Variants in BCL9 observed in about 807,000 individuals in gnomAD.
The protein encoded by BCL9 is B-cell CLL/lymphoma 9 protein.
Under a neutral mutation model 88.5 loss-of-function variants are expected in BCL9, and 25 were observed. The observed-to-expected ratio is 0.28, with a 90% CI of 0.21 to 0.39. The LOEUF (loss-of-function observed/expected upper bound fraction) is 0.39, where lower values mean the gene tolerates loss of function less well. Ranked by LOEUF, BCL9 falls within the 10% of genes least tolerant of loss-of-function variation. BCL9 has a pLI of 1.00. For missense variants in BCL9, 1,817 were observed against 1,877.8 expected, an observed-to-expected ratio of 0.97 and a Z score of 0.60; for synonymous variants, 711 against 673.3, an observed-to-expected ratio of 1.06 and a Z score of -0.87.
chr1:147,624,577 C>T lies in BCL9; in HGVS notation c.3899C>T (p.Pro1300Leu), dbSNP rs141699147. The change falls in exon 10 of 10, where the codon CCG (proline) becomes CTG (leucine). Residue 1300 changes from proline (P) to leucine (L), a missense_variant. Pro to Leu is a moderately conservative substitution (Grantham distance 98, BLOSUM62 -3). This residue lies in a region of BCL9 where 589 missense variants were observed against 686.2 expected (regional missense o/e 0.86). Coordinates refer to ENST00000234739, the MANE Select transcript of BCL9 (RefSeq NM_004326.4). This position sits in a 1 kb window ranked among gnomAD's most constrained non-coding sequence, Gnocchi z 4.4. ...GGAGGTCCAGGGCCAGTGGGAACTC[C>T]GGACATCCCTCTTGGTACAGCTCCA... The part of the protein sequence containing the change: ...GMGGPGPVGT[P>L]DIPLGTAPSM... 1.2e-4 allele frequency: 189 copies of T among 1,614,174 alleles called. No individual in the cohort carries two copies. In the African/African-American group the frequency reaches 1.9e-3, roughly 16 times the overall value.
chr1:147,569,541 A>G (rs1655781345), intron 1 of BCL9, among the ~76,000 whole-genome samples: 1 of 151,664 alleles, frequency 6.6e-6, no homozygotes, highest in Non-Finnish European at 1.5e-5. Context: ...TCCTAACTAC[A>G]CAGGAGGCTG....
At chr1:147,603,179 G>A (rs1208640770) in intron 1 of BCL9, among the ~76,000 whole-genome samples, 2 of 152,210 alleles carry the variant, frequency 1.3e-5, no homozygotes, top group Non-Finnish European at 2.9e-5. Context: ...GAACAAAAAG[G>A]AGTATCTTGT....
At chr1:147,549,109 T>C (rs1654766719) in intron 1 of BCL9, among the ~76,000 whole-genome samples, 1 of 151,520 alleles carries the variant, frequency 6.6e-6, no homozygotes, top group African/African-American at 2.4e-5. Context: ...TCCAAGTAGC[T>C]GGGATTACAG....
At chr1:147,616,112 AG>A (rs1658272196) in intron 7 of BCL9, among the ~76,000 whole-genome samples, 1 of 152,176 alleles carries the variant, frequency 6.6e-6, no homozygotes. Flanking sequence ...ATGAATTACT[AG>A]GGGGAAGAAG....
chr1:147,548,125 C>T (rs1242967078), intron 1 of BCL9, among the ~76,000 whole-genome samples: 2 of 152,028 alleles, frequency 1.3e-5, no homozygotes, highest in Non-Finnish European at 2.9e-5. Context: ...AGCTTTTTAT[C>T]TGGGATAATA....
At chr1:147,557,405 G>T (rs1655162345) in intron 1 of BCL9, among the ~76,000 whole-genome samples, 1 of 152,146 alleles carries the variant, frequency 6.6e-6, no homozygotes, top group Admixed American at 6.5e-5. Context: ...TTTATTATAT[G>T]CTTCTTGTGA....
Position 147,622,249 on chromosome 1 carries a change from GTTTTA to G in BCL9, c.2903-17_2903-13del. On this transcript the variant is annotated splice_polypyrimidine_tract_variant and intron_variant, in intron 8 of 9. Coordinates refer to ENST00000234739, the MANE Select transcript of BCL9 (RefSeq NM_004326.4). ...AGGAATCTAATTCCCTGCCCGTTTT[GTTTTA>G]TTTTGCTTCCTTTTAGGTGGCCCCC... 6.2e-7 allele frequency: 1 copy of G among 1,613,378 alleles called. No individual in the cohort carries two copies. The highest frequency in any genetic ancestry group is 8.5e-7 in the Non-Finnish European group (1 of 1,179,592).
intron 1 of BCL9, among the ~76,000 whole-genome samples, chr1:147,550,836 A>G (rs1654866775): frequency 6.6e-6 from 1 of 152,170 alleles, no homozygotes; most frequent in Admixed American, 6.5e-5. Flanking sequence ...TAAAATAGGG[A>G]TAATAATTGT....
chr1:147,619,196 T>C lies in BCL9; in HGVS notation c.1041T>C (p.Asn347=), dbSNP rs1197759668. The change falls in exon 8 of 10, where the codon AAT becomes AAC. Residue 347 remains asparagine, a synonymous_variant. Coordinates refer to ENST00000234739, the MANE Select transcript of BCL9 (RefSeq NM_004326.4). The surrounding 1 kb of genome is among the most constrained non-coding windows in gnomAD (Gnocchi z 4.1). The part of the protein sequence containing the change: ...SSGEPPTLGE[N]PDGLSQEQLE... Reference sequence around the variant, plus strand: ...GCGAGCCCCCCACACTGGGAGAGAATCCCGATGGCCTATCTCAGGAGCAGC... The same window carrying C: ...GCGAGCCCCCCACACTGGGAGAGAACCCCGATGGCCTATCTCAGGAGCAGC... 1.2e-6 allele frequency: 2 copies of C among 1,613,860 alleles called. No individual in the cohort carries two copies. Among genetic ancestry groups the C allele is most frequent in the Non-Finnish European group, 1.7e-6 (2 of 1,179,862 alleles).
chr1:147,561,891 A>G (rs1655392327), intron 1 of BCL9, among the ~76,000 whole-genome samples: 1 of 152,174 alleles, frequency 6.6e-6, no homozygotes, highest in African/African-American at 2.4e-5. Context: ...AGCTCAACAG[A>G]TGTTATTGGA....
intron 3 of BCL9, among the ~76,000 whole-genome samples, chr1:147,608,330 C>CTTTTTT (rs35324998): frequency 0.011 from 1,066 of 101,034 alleles, 94 homozygotes; most frequent in African/African-American, 0.038. Context: ...TTTTGTTTTG[C>CTTTTTT]TTTTTTTTTT....
intron 1 of BCL9, among the ~76,000 whole-genome samples, chr1:147,560,594 C>T (rs760850708): frequency 5.2e-5 from 5 of 95,810 alleles, no homozygotes; most frequent in Non-Finnish European, 1.0e-4. Flanking sequence ...GGGACAACAG[C>T]GAGACTTCAT....
At chr1:147,616,800 T>C (rs1239044241) in intron 7 of BCL9, among the ~76,000 whole-genome samples, 1 of 151,924 alleles carries the variant, frequency 6.6e-6, no homozygotes, top group Non-Finnish European at 1.5e-5. Flanking sequence ...AGTGGATGTT[T>C]TAATGCATGT....
chr1:147,610,416 T>A (rs1657935530), intron 3 of BCL9, among the ~76,000 whole-genome samples: 2 of 152,320 alleles, frequency 1.3e-5, no homozygotes, highest in African/African-American at 4.8e-5. Context: ...ATTGCAGATT[T>A]CTAAATGAAG....
chr1:147,599,498 C>G (rs35428984), intron 1 of BCL9, among the ~76,000 whole-genome samples: 27,688 of 151,710 alleles, frequency 0.18, 3,504 homozygotes, highest in East Asian at 0.35. Flanking sequence ...CCCCCCGCCC[C>G]CCTCGGTTGC....
chr1:147,585,472 G>A (rs1181427824), intron 1 of BCL9, among the ~76,000 whole-genome samples: 21 of 152,254 alleles, frequency 1.4e-4, no homozygotes, highest in African/African-American at 4.3e-4. Flanking sequence ...CTAACGATGG[G>A]GAGGGGATGA....
intron 1 of BCL9, among the ~76,000 whole-genome samples, chr1:147,601,155 G>A (rs1485845216): frequency 6.6e-6 from 1 of 152,150 alleles, no homozygotes; most frequent in African/African-American, 2.4e-5. Context: ...TCTGAAGGAG[G>A]GGGAAGGAAA....
chr1:147,616,637 G>C (rs984718903), intron 7 of BCL9, among the ~76,000 whole-genome samples: 1 of 152,110 alleles, frequency 6.6e-6, no homozygotes, highest in South Asian at 2.1e-4. Flanking sequence ...CATGCTGGCG[G>C]GTGCCTGTAG....
intron 3 of BCL9, among the ~76,000 whole-genome samples, chr1:147,607,727 C>G (rs1657790067): frequency 2.0e-5 from 3 of 152,158 alleles, no homozygotes; most frequent in Non-Finnish European, 2.9e-5. Context: ...GCATGAGCAA[C>G]TGGGTGGATA....
Sources: gnomAD v4.1 joint callset for allele counts (sites outside exome capture counted in the v4.1 genomes callset) on GRCh38, gnomAD v4.1.1 for gene constraint, gnomAD v4.1.1 regional missense constraint, Gnocchi (gnomAD v3.1) non-coding constraint, MANE v1.5 for transcripts, NCBI Gene and HGNC (gene_info 2026-07-23, HGNC 2026-07-21) for gene names.